The following TFB1M variants were observed in gnomAD, a reference collection of about 807,000 sequenced individuals.
The protein encoded by TFB1M is transcription factor B1, mitochondrial.
In TFB1M, 27 loss-of-function variants were observed where a neutral mutation model predicts 31.1. The ratio of observed to expected loss-of-function variants is 0.87; its 90% CI spans 0.64 to 1.20. TFB1M has a LOEUF of 1.20. TFB1M is among the 50% of genes most tolerant of loss of function. The pLI is 0.00. For synonymous variants in TFB1M, 166 were observed against 151.8 expected (o/e 1.09, Z -0.69); for missense variants, 394 against 418.7 (o/e 0.94, Z 0.51).
At chr6:155,310,378 GT>G (rs766596526) in intron 2 of TFB1M, among the ~76,000 whole-genome samples, 1 of 152,128 alleles carries the variant, frequency 6.6e-6, no homozygotes, top group Non-Finnish European at 1.5e-5. Context: ...CTATTTCACT[GT>G]TTGCCAGCGT....
chr6:155,276,570 A>G, intron 5 of TFB1M: 1 of 508,070 alleles, frequency 2.0e-6, no homozygotes, highest in Admixed American at 3.7e-5. Flanking sequence ...AGAGTTCTTT[A>G]TTTTTTCCAT....
At chr6:155,290,459 T>C (rs1776866245) in intron 4 of TFB1M, among the ~76,000 whole-genome samples, 1 of 151,536 alleles carries the variant, frequency 6.6e-6, no homozygotes, top group African/African-American at 2.4e-5. Flanking sequence ...ACTGAAACTT[T>C]CACTTGCAAA....
At position 155,257,905 on chromosome 6, in the gene TFB1M, T is replaced by TTCTC. The variant is rs754830543; in HGVS notation, c.968_971dup (p.Glu325ArgfsTer11). The stretch of plus-strand genomic sequence containing the variant: ...TTTTGCTTTTTCTTCGCTTGAGTTC[T>TTCTC]TCTCTGAAATTATATGCAAAGAGTT... On this transcript the variant is annotated frameshift_variant, in exon 7 of 7. Transcript: ENST00000367166. LOFTEE classifies it low-confidence loss of function (END_TRUNC). The TTCTC allele has an allele frequency of 5.0e-6, 8 of 1,614,262 alleles. No homozygotes were observed. The highest frequency in any genetic ancestry group is 4.4e-5 in the South Asian group (4 of 91,088).
chr6:155,310,206 A>G (rs183492789), intron 2 of TFB1M, among the ~76,000 whole-genome samples: 4 of 152,340 alleles, frequency 2.6e-5, no homozygotes, highest in African/African-American at 7.2e-5. Flanking sequence ...AATAACGTAG[A>G]TAACTACATT....
At chr6:155,310,654 C>T (rs1017021047) in intron 2 of TFB1M, among the ~76,000 whole-genome samples, 3 of 152,154 alleles carry the variant, frequency 2.0e-5, no homozygotes, top group African/African-American at 7.2e-5. Context: ...TAAACCTCAT[C>T]CTAAATCTAT....
Position 155,297,036 on chromosome 6 carries a change from G to A in TFB1M, c.463C>T (p.Leu155Phe), listed in dbSNP as rs1485902342. The change falls in exon 4 of 7, where the codon CTT becomes TTT. Residue 155 changes from leucine to phenylalanine, a missense_variant. Transcript: ENST00000367166. ...SVSTPLIIKW[L>F]ENISCRDGPF... is the part of the protein sequence containing the mutation. Reference sequence around the variant, plus strand: ...CCATCTCTACAGGAAATATTTTCAAGCCACTTGATAATCAGTGGAGTTGAA... The same window carrying A: ...CCATCTCTACAGGAAATATTTTCAAACCACTTGATAATCAGTGGAGTTGAA... 1 of 1,613,424 alleles carries A rather than the reference G, an allele frequency of 6.2e-7. No individual in the cohort carries two copies. Among genetic ancestry groups the A allele is most frequent in the Non-Finnish European group, 8.5e-7 (1 of 1,179,606 alleles).
At chr6:155,256,010 T>TA (rs1554248978), downstream of TFB1M, 21,981 of 145,926 alleles carry the variant, frequency 0.15, 1,595 homozygotes, top group East Asian at 0.24. Flanking sequence ...ACACTGTCTT[T>TA]AAAAAAAAAG....
At chr6:155,236,019 T>C in the TFB1M span, among the ~76,000 whole-genome samples, 5 of 152,240 alleles carry the variant, frequency 3.3e-5, no homozygotes, top group East Asian at 1.9e-4. Flanking sequence ...CCCTGGGAAC[T>C]GTTAGTTTTC....
At chr6:155,234,330 C>T in the TFB1M span, among the ~76,000 whole-genome samples, 1 of 152,360 alleles carries the variant, frequency 6.6e-6, no homozygotes, top group South Asian at 2.1e-4. Context: ...GATAGAGCCT[C>T]ACTCTGTCAC....
Position 155,314,342 on chromosome 6 carries a change from T to C in TFB1M, c.87A>G (p.Ala29=), listed in dbSNP as rs766008483. Reference sequence around the variant, plus strand: ...GGAAATTCTGTGATAGCTGCTTCGCTGCTTGCAGTCTTAACAACTTAATGA... The same window carrying C: ...GGAAATTCTGTGATAGCTGCTTCGCCGCTTGCAGTCTTAACAACTTAATGA... ...REIIKLLRLQ[A]AKQLSQNFLL... Residue 29 remains alanine (A), a synonymous_variant, in exon 1 of 7, where the codon GCA becomes GCG. Transcript: ENST00000367166. 34 of 1,614,224 alleles carry C rather than the reference T, an allele frequency of 2.1e-5. No homozygotes were observed. Among genetic ancestry groups the C allele is most frequent in the Non-Finnish European group, 2.9e-5 (34 of 1,180,028 alleles).
chr6:155,261,315 C>T (rs1562385876), intron 5 of TFB1M, among the ~76,000 whole-genome samples: 1 of 152,224 alleles, frequency 6.6e-6, no homozygotes, highest in South Asian at 2.1e-4. Flanking sequence ...GGATCTCATA[C>T]AGACTCAACA....
chr6:155,245,689 T>G, the TFB1M span: 4 of 1,613,990 alleles, frequency 2.5e-6, no homozygotes, highest in Non-Finnish European at 3.4e-6. Flanking sequence ...GTACAGTGGA[T>G]TCTGTGCTAA....
chr6:155,271,927 G>T (rs560470505), intron 5 of TFB1M, among the ~76,000 whole-genome samples: 3 of 152,098 alleles, frequency 2.0e-5, no homozygotes, highest in South Asian at 4.2e-4. Flanking sequence ...TCCCTTCCCC[G>T]CCTCTCCTTT....
At chr6:155,253,013 C>A, downstream of TFB1M, 2 of 1,614,212 alleles carry the variant, frequency 1.2e-6, no homozygotes, top group East Asian at 4.5e-5. Context: ...GCTGGTTGAT[C>A]CCCATCTCCG....
chr6:155,233,365 T>G, the TFB1M span, among the ~76,000 whole-genome samples: 4 of 152,168 alleles, frequency 2.6e-5, no homozygotes, highest in African/African-American at 9.7e-5. Context: ...AGTATTGCAC[T>G]GAACCCAGGT....
the TFB1M span, chr6:155,244,788 G>A: frequency 2.5e-6 from 4 of 1,602,052 alleles, no homozygotes; most frequent in Non-Finnish European, 3.4e-6. Context: ...TTTAGAGTAA[G>A]TATCTCAGAT....
At chr6:155,290,913 C>T (rs548204568) in intron 4 of TFB1M, among the ~76,000 whole-genome samples, 1 of 152,120 alleles carries the variant, frequency 6.6e-6, no homozygotes, top group African/African-American at 2.4e-5. Context: ...ATTCACAAGT[C>T]CCCCAGAGTT....
intron 6 of TFB1M, among the ~76,000 whole-genome samples, chr6:155,258,909 G>A (rs1784255363): frequency 6.6e-6 from 1 of 152,108 alleles, no homozygotes; most frequent in Admixed American, 6.5e-5. Context: ...CCTGATGATG[G>A]CAGTTTCTAA....
At position 155,314,431 on chromosome 6, in the gene TFB1M, TAC is replaced by T; in HGVS notation, c.-5_-4del. The T allele has an allele frequency of 6.2e-7, 1 of 1,614,142 alleles. No homozygotes were observed. The highest frequency in any genetic ancestry group is 8.5e-7 in the Non-Finnish European group (1 of 1,179,998). ...CTGAGTTTTCCGGAGGCAGCCATGA[TAC>T]GCGGCAAGCACCATCCAACCCTACC... is the stretch of plus-strand genomic sequence containing the variant. On this transcript the variant is annotated 5_prime_UTR_variant, in exon 1 of 7. Coordinates refer to ENST00000367166, the MANE Select transcript of TFB1M (RefSeq NM_016020.4).
Sources: allele counts gnomAD v4.1 joint callset (sites outside exome capture counted in the v4.1 genomes callset), GRCh38; gene constraint gnomAD v4.1.1; transcripts MANE v1.5; gene names NCBI Gene and HGNC (gene_info 2026-07-23, HGNC 2026-07-21).